Variants in MYH9 observed in about 807,000 individuals in gnomAD.
MYH9 encodes myosin heavy chain 9, also known as myosin-9.
A neutral mutation model predicts 241.9 loss-of-function variants in MYH9; 29 were observed. That is an observed-to-expected ratio of 0.12 (90% CI 0.09 to 0.16). The LOEUF is 0.16. MYH9 is among the 10% of genes least tolerant of loss of function. MYH9 has a pLI of 1.00. For missense variants in MYH9, 1,803 were observed against 2,595.5 expected, an observed-to-expected ratio of 0.69 and a Z score of 6.63; for synonymous variants, 1,047 against 1,062.6, an observed-to-expected ratio of 0.99 and a Z score of 0.29.
In MYH9 at chr22:36,341,543, C is replaced by T; in HGVS notation, c.334-17G>A. 6.2e-7 allele frequency: 1 copy of T among 1,612,794 alleles called. No individual in the cohort carries two copies. Among genetic ancestry groups the T allele is most frequent in the Non-Finnish European group, 8.5e-7 (1 of 1,179,716 alleles). On this transcript the variant is annotated splice_polypyrimidine_tract_variant and intron_variant, in intron 2 of 40. Coordinates refer to ENST00000216181, the MANE Select transcript of MYH9 (RefSeq NM_002473.6). ...TGAATAGGTCTAAAGAAAAGAGCGG[C>T]AGATAGGAACAGGTTAGGAAGTTTG...
intron 3 of MYH9, among the ~76,000 whole-genome samples, chr22:36,333,971 C>A (rs2017460474): frequency 6.6e-6 from 1 of 152,032 alleles, no homozygotes; most frequent in Admixed American, 6.6e-5. Flanking sequence ...ACAAAAAACA[C>A]TGGGCAAAGC....
At chr22:36,361,213 C>A (rs575302229) in intron 1 of MYH9, among the ~76,000 whole-genome samples, 3 of 152,322 alleles carry the variant, frequency 2.0e-5, no homozygotes, top group African/African-American at 7.2e-5. Context: ...ACAGAAGAAG[C>A]TGGAACTTGT....
chr22:36,309,537 G>GA, intron 14 of MYH9, 141 bp from the exon 15 acceptor site: 1 of 701,052 alleles, frequency 1.4e-6, no homozygotes, highest in Non-Finnish European at 2.6e-6. Context: ...CCACCCCTAA[G>GA]AAGGAAGTGG....
intron 5 of MYH9, among the ~76,000 whole-genome samples, chr22:36,326,208 C>T (rs1209937883): frequency 6.6e-6 from 1 of 152,350 alleles, no homozygotes; most frequent in East Asian, 1.9e-4. Context: ...CTGCCTGAGA[C>T]CTTTCAAGCC....
intron 31 of MYH9, among the ~76,000 whole-genome samples, chr22:36,290,766 C>T (rs1332823705): frequency 1.3e-5 from 2 of 151,028 alleles, no homozygotes; most frequent in African/African-American, 4.9e-5. Context: ...GGCCGCCCAT[C>T]GTCTGAGATG....
In MYH9 at chr22:36,314,211, G is replaced by A. The variant is rs2017114175; in HGVS notation, c.1488C>T (p.Gly496=). 3 of 1,614,126 alleles carry A rather than the reference G, an allele frequency of 1.9e-6. No homozygotes were observed. Among genetic ancestry groups the A allele is most frequent in the Admixed American group, 1.7e-5 (1 of 60,000 alleles). The change falls in exon 13 of 41, where the codon GGC becomes GGT. Residue 496 remains glycine (G), a synonymous_variant. Coordinates refer to ENST00000216181, the MANE Select transcript of MYH9 (RefSeq NM_002473.6). The part of the protein sequence containing the change: ...ILEQEEYQRE[G]IEWNFIDFGL... ...CAAAGTCGATGAAGTTCCACTCGAT[G>A]CCCTCGCGCTGGTACTCCTCCTGCT...
At position 36,305,838 on chromosome 22, in the gene MYH9, A is replaced by G. The variant is rs893278114; in HGVS notation, c.2159+92T>C. On this transcript the variant is annotated intron_variant, in intron 17 of 40. Transcript: ENST00000216181. This position sits in a 1 kb window ranked among gnomAD's most constrained non-coding sequence, Gnocchi z 4.7. ...GGATGGAGGACGTCGCTCCCTCACG[A>G]CAGGATCCTGCCAGGGAGCAGCAGC... The G allele has an allele frequency of 1.4e-5, 22 of 1,579,536 alleles. No homozygotes were observed. Among genetic ancestry groups the G allele is most frequent in the Non-Finnish European group, 1.9e-5 (22 of 1,154,556 alleles).
At chr22:36,353,123 G>A (rs79335554) in intron 1 of MYH9, among the ~76,000 whole-genome samples, 23,388 of 151,736 alleles carry the variant, frequency 0.15, 2,717 homozygotes, top group African/African-American at 0.33. Flanking sequence ...GTGTGTGTGT[G>A]TGTGTGTGTA....
chr22:36,350,517 A>G (rs2017748261), intron 1 of MYH9, among the ~76,000 whole-genome samples: 1 of 152,262 alleles, frequency 6.6e-6, no homozygotes, highest in African/African-American at 2.4e-5. Context: ...AGCCTGGGCA[A>G]CAAGAGCAAA....
intron 14 of MYH9, among the ~76,000 whole-genome samples, chr22:36,310,401 C>T (rs533128177): frequency 6.6e-6 from 1 of 152,338 alleles, no homozygotes; most frequent in East Asian, 1.9e-4. Flanking sequence ...CCCCTGTGCT[C>T]TGCTAAAATA....
rs34880972 is a variant in MYH9, at chr22:36,356,580, CAAAAAAAA to C, written c.-19-7333_-19-7326del. 6.5e-4 allele frequency among the ~76,000 whole-genome samples: 16 copies of C among 24,660 alleles called. No individual in the cohort carries two copies. In the East Asian group the frequency reaches 0.011, roughly 17 times the overall value. 16.2% of individuals were successfully genotyped at this position (24,660 alleles called of 152,430 possible). A position where few individuals can be genotyped will look rare whatever the true frequency, so the allele number is the denominator to read the frequency against. On this transcript the variant is annotated intron_variant, in intron 1 of 40. Coordinates refer to ENST00000216181, the MANE Select transcript of MYH9 (RefSeq NM_002473.6). The stretch of plus-strand genomic sequence containing the variant: ...TGGGCAACAGAGTGAGACTCCATCT[CAAAAAAAA>C]AAAAAAAAAAAAAAAAAAAGATTCT...
chr22:36,387,749 CG>C (rs1344730729), intron 1 of MYH9, 57 bp downstream of exon 1: 4 of 151,894 alleles, frequency 2.6e-5, no homozygotes, highest in African/African-American at 4.8e-5. Context: ...CAGCGCGTCT[CG>C]CCCCCGCCCG....
rs201508610 is a variant in MYH9, at chr22:36,301,685, T to A, written c.2500-20A>T. On this transcript the variant is annotated intron_variant, in intron 20 of 40. Coordinates refer to ENST00000216181, the MANE Select transcript of MYH9 (RefSeq NM_002473.6). ...CTTGACCTGGGAGAGGAGATAGAGG[T>A]AGAGACATGCTCGGCTGGAAGATGC... 326 of 1,611,742 alleles carry A rather than the reference T, an allele frequency of 2.0e-4. No individual in the cohort carries two copies. Among genetic ancestry groups the A allele is most frequent in the Non-Finnish European group, 1.2e-5 (14 of 1,179,936 alleles).
At chr22:36,348,851 C>CA in intron 2 of MYH9, 53 bp downstream of exon 2, 1 of 1,155,216 alleles carries the variant, frequency 8.7e-7, no homozygotes, top group South Asian at 1.3e-5. Context: ...GCCCCCCCCC[C>CA]CCACCTCGGA....
chr22:36,384,611 A>AAAAAATAT (rs1569537393), intron 1 of MYH9, among the ~76,000 whole-genome samples: 1 of 41,442 alleles, frequency 2.4e-5, no homozygotes, highest in Non-Finnish European at 3.9e-5. Context: ...AAAAAAAAAA[A>AAAAAATAT]ATATATATAT....
chr22:36,349,271 A>G lies in MYH9; in HGVS notation c.-19-16T>C. Reference sequence around the variant, plus strand: ...TAGCCAGGACCTAAGCGGGGAGGAGAAGGACAACACATTACATACAACTAC... The same window carrying G: ...TAGCCAGGACCTAAGCGGGGAGGAGGAGGACAACACATTACATACAACTAC... On this transcript the variant is annotated splice_polypyrimidine_tract_variant and intron_variant, in intron 1 of 40. Coordinates refer to ENST00000216181, the MANE Select transcript of MYH9 (RefSeq NM_002473.6). 6.3e-7 allele frequency: 1 copy of G among 1,589,568 alleles called. No homozygotes were observed. The highest frequency in any genetic ancestry group is 1.7e-4 in the Middle Eastern group (1 of 6,014).
chr22:36,337,057 A>C (rs1193742154), intron 3 of MYH9, among the ~76,000 whole-genome samples: 1 of 151,520 alleles, frequency 6.6e-6, no homozygotes, highest in Non-Finnish European at 1.5e-5. Flanking sequence ...CCTTGCCAGC[A>C]CAGGGCTCCA....
intron 1 of MYH9, among the ~76,000 whole-genome samples, chr22:36,358,686 C>T (rs1043670726): frequency 1.9e-4 from 29 of 152,118 alleles, no homozygotes; most frequent in African/African-American, 6.5e-4. Context: ...CACCACTGCC[C>T]GTGCCCTGTT....
At chr22:36,387,769 C>T (rs1347100597) in intron 1 of MYH9, 38 bp downstream of exon 1, 1 of 152,070 alleles carries the variant, frequency 6.6e-6, no homozygotes, top group African/African-American at 2.4e-5. Context: ...CGCCCGCCGC[C>T]GCCTGCCCGG....
Sources: gnomAD v4.1 joint callset for allele counts (sites outside exome capture counted in the v4.1 genomes callset) on GRCh38, gnomAD v4.1.1 for gene constraint, Gnocchi (gnomAD v3.1) non-coding constraint, MANE v1.5 for transcripts, NCBI Gene and HGNC (gene_info 2026-07-23, HGNC 2026-07-21) for gene names.